Variants in FBXW2 observed in about 807,000 individuals in gnomAD.
FBXW2 encodes the protein F-box/WD repeat-containing protein 2.
FBXW2 carries 12 observed loss-of-function variants against 46.0 expected under a neutral mutation model. The ratio of observed to expected loss-of-function variants is 0.26; its 90% CI spans 0.17 to 0.42. The LOEUF (loss-of-function observed/expected upper bound fraction) is 0.42. FBXW2 is among the 10% of genes least tolerant of loss of function. The probability of loss-of-function intolerance (pLI) is 1.00; values close to 1 mark genes in which losing one functional copy is unlikely to be tolerated. For synonymous variants in FBXW2, 203 were observed against 209.6 expected (o/e 0.97, Z 0.27); for missense variants, 360 against 537.0 (o/e 0.67, Z 3.26).
chr9:120,783,572 A>C (rs553722895), intron 3 of FBXW2, among the ~76,000 whole-genome samples: 1 of 152,184 alleles, frequency 6.6e-6, no homozygotes, highest in Non-Finnish European at 1.5e-5. Context: ...ATTTATTACA[A>C]TGGAGCACCA....
chr9:120,788,303 TA>T, intron 2 of FBXW2, 25 bp from the exon 3 acceptor site: 1 of 1,589,662 alleles, frequency 6.3e-7, no homozygotes, highest in Non-Finnish European at 8.5e-7. Flanking sequence ...AATATTGTAT[TA>T]GTTCTGCTCA....
intron 3 of FBXW2, among the ~76,000 whole-genome samples, chr9:120,783,080 G>A (rs1182993086): frequency 2.0e-5 from 3 of 151,870 alleles, no homozygotes; most frequent in Non-Finnish European, 4.4e-5. Flanking sequence ...TAAATTTTAT[G>A]TTATGTATGT....
intron 4 of FBXW2, chr9:120,776,673 A>C (rs1344905938): frequency 6.5e-6 from 1 of 154,444 alleles, no homozygotes; most frequent in African/African-American, 2.4e-5. Context: ...TAAAGAGAGA[A>C]AAAACAAAAC....
At chr9:120,766,465 TTTTA>T (rs933950326) in intron 7 of FBXW2, among the ~76,000 whole-genome samples, 5 of 152,088 alleles carry the variant, frequency 3.3e-5, no homozygotes, top group African/African-American at 7.2e-5. Context: ...TTTTAATTAT[TTTTA>T]TTTATTTATT....
In FBXW2 at chr9:120,788,202, A is replaced by G. The variant is rs758528830; in HGVS notation, c.57T>C (p.Ser19=). 7 of 1,614,210 alleles carry G rather than the reference A, an allele frequency of 4.3e-6. No individual in the cohort carries two copies. The highest frequency in any genetic ancestry group is 5.9e-6 in the Non-Finnish European group (7 of 1,180,036). Residue 19 remains serine, a synonymous_variant, in exon 3 of 8, where the codon TCT becomes TCC. Coordinates refer to ENST00000608872, the MANE Select transcript of FBXW2 (RefSeq NM_012164.4). ...TTTCATTTTTCTGCAAGTCCGTCAG[A>G]GAAAGAAATGTAACAGAAATGTTAT... ...WLDNISVTFL[S]LTDLQKNETL... is the part of the protein sequence containing the mutation.
intron 3 of FBXW2, among the ~76,000 whole-genome samples, chr9:120,786,276 C>G (rs2044721180): frequency 6.6e-6 from 1 of 151,812 alleles, no homozygotes; most frequent in Non-Finnish European, 1.5e-5. Flanking sequence ...ATGGGGGTGG[C>G]CCCCCATGCT....
At chr9:120,782,023 C>CAAAAAAAAAAAAAAAAA (rs35159726) in intron 3 of FBXW2, among the ~76,000 whole-genome samples, 1 of 76,360 alleles carries the variant, frequency 1.3e-5, no homozygotes, top group African/African-American at 5.3e-5. Context: ...AACTCCGTCT[C>CAAAAAAAAAAAAAAAAA]AAAAAAAAAA....
Position 120,757,950 on chromosome 9 carries a change from TG to T in FBXW2, c.*6608del, listed in dbSNP as rs2044148197. On this transcript the variant is annotated 3_prime_UTR_variant, in exon 8 of 8. Transcript: ENST00000608872. ...CTTTTATTTTCAATTTTAGATGCTCTGGAAGTTATTTTTCTTCCAAGTTTAG... is the reference window on the plus strand; with the variant it reads ...CTTTTATTTTCAATTTTAGATGCTCTGAAGTTATTTTTCTTCCAAGTTTAG... 6.6e-6 allele frequency: 1 copy of T among 152,278 alleles called. No homozygotes were observed. The highest frequency in any genetic ancestry group is 1.5e-5 in the Non-Finnish European group (1 of 68,056). 9.4% of individuals were successfully genotyped at this position (152,278 alleles called of 1,614,324 possible). A position where few individuals can be genotyped will look rare whatever the true frequency, so the allele number is the denominator to read the frequency against.
rs546417015 is a variant in FBXW2, at chr9:120,762,327, C to T, written c.*2232G>A. On this transcript the variant is annotated 3_prime_UTR_variant, in exon 8 of 8. Transcript: ENST00000608872. ...TGCACTCCAGCCTGCGCAGTAAGAG[C>T]GAAACTCTGTCTCAAAAAAAAAAAA... 1.4e-4 allele frequency: 21 copies of T among 148,518 alleles called. No homozygotes were observed. Among genetic ancestry groups the T allele is most frequent in the African/African-American group, 4.5e-4 (18 of 40,090 alleles). The allele number at this position is 148,518 out of a possible 1,614,324, so 9.2% of individuals were successfully genotyped here. A position where few individuals can be genotyped will look rare whatever the true frequency, so the allele number is the denominator to read the frequency against.
In FBXW2 at chr9:120,772,269, C is replaced by T. The variant is rs1397004633; in HGVS notation, c.906+485G>A. 2.6e-5 allele frequency among the ~76,000 whole-genome samples: 4 copies of T among 151,208 alleles called. No homozygotes were observed. In the South Asian group the frequency reaches 6.3e-4, roughly 24 times the overall value. ...CAGCATTTTGGGAGGTCAAGGCAGGCGGATCACAAGGTCAGGAGTTCGAGA... is the reference window on the plus strand; with the variant it reads ...CAGCATTTTGGGAGGTCAAGGCAGGTGGATCACAAGGTCAGGAGTTCGAGA... On this transcript the variant is annotated intron_variant, in intron 6 of 7. Coordinates refer to ENST00000608872, the MANE Select transcript of FBXW2 (RefSeq NM_012164.4).
intron 7 of FBXW2, among the ~76,000 whole-genome samples, chr9:120,770,668 T>C (rs1487521161): frequency 6.6e-6 from 1 of 152,232 alleles, no homozygotes; most frequent in Non-Finnish European, 1.5e-5. Context: ...AAGAAACTTA[T>C]ACTAAATCAC....
intron 2 of FBXW2, among the ~76,000 whole-genome samples, chr9:120,790,739 G>A (rs66947673): frequency 0.12 from 18,254 of 152,004 alleles, 1,246 homozygotes; most frequent in Middle Eastern, 0.17. Context: ...ATATCTAAGA[G>A]ACATACTATA....
intron 4 of FBXW2, chr9:120,776,485 A>C: frequency 2.6e-6 from 1 of 391,138 alleles, no homozygotes; most frequent in Non-Finnish European, 4.6e-6. Flanking sequence ...GGCAAAACAA[A>C]TGTTGGAGAT....
At chr9:120,778,288 C>A in intron 4 of FBXW2, 63 bp downstream of exon 4, 1 of 1,388,172 alleles carries the variant, frequency 7.2e-7, no homozygotes, top group Non-Finnish European at 9.8e-7. Context: ...ATTTCACATT[C>A]TTGGCTCCTG....
Position 120,762,958 on chromosome 9 carries a change from G to A in FBXW2, c.*1601C>T, listed in dbSNP as rs1471652274. The A allele has an allele frequency of 6.6e-6, 1 of 152,146 alleles. No individual in the cohort carries two copies. Among genetic ancestry groups the A allele is most frequent in the African/African-American group, 2.4e-5 (1 of 41,418 alleles). 9.4% of individuals were successfully genotyped at this position (152,146 alleles called of 1,614,324 possible). On this transcript the variant is annotated 3_prime_UTR_variant, in exon 8 of 8. Transcript: ENST00000608872. ...TGCTCCCTCTACTCTCTCCCTGATT[G>A]TGACCACTAACATTTCCACTGCTGA...
In FBXW2 at chr9:120,761,663, T is replaced by C. The variant is rs1169602158; in HGVS notation, c.*2896A>G. On this transcript the variant is annotated 3_prime_UTR_variant, in exon 8 of 8. Coordinates refer to ENST00000608872, the MANE Select transcript of FBXW2 (RefSeq NM_012164.4). ...AATAAACCCAGCATCTATAAAGTAG[T>C]TGAATAAAATCTCAGGCCAAATAAA... The C allele has an allele frequency of 2.0e-5, 3 of 152,184 alleles. No individual in the cohort carries two copies. The highest frequency in any genetic ancestry group is 4.4e-5 in the Non-Finnish European group (3 of 68,044). 9.4% of individuals were successfully genotyped at this position (152,184 alleles called of 1,614,324 possible).
At chr9:120,793,051 A>C (rs2044885983) in intron 2 of FBXW2, 98 bp downstream of exon 2, 2 of 1,127,192 alleles carry the variant, frequency 1.8e-6, no homozygotes, top group Admixed American at 2.0e-5. Context: ...CAGTAACTCC[A>C]AAACCCTGTT....
In FBXW2 at chr9:120,757,939, T is replaced by C. The variant is rs1046740873; in HGVS notation, c.*6620A>G. The C allele has an allele frequency of 2.0e-5, 3 of 152,244 alleles. No individual in the cohort carries two copies. Among genetic ancestry groups the C allele is most frequent in the African/African-American group, 7.2e-5 (3 of 41,456 alleles). The allele number at this position is 152,244 out of a possible 1,614,324, so 9.4% of individuals were successfully genotyped here. A position where few individuals can be genotyped will look rare whatever the true frequency, so the allele number is the denominator to read the frequency against. On this transcript the variant is annotated 3_prime_UTR_variant, in exon 8 of 8. Transcript: ENST00000608872. ...TTGCTTCTGATCTTTTATTTTCAAT[T>C]TTAGATGCTCTGGAAGTTATTTTTC...
intron 2 of FBXW2, chr9:120,792,286 C>CCT (rs2044861230): frequency 6.6e-6 from 1 of 152,196 alleles, no homozygotes; most frequent in Non-Finnish European, 1.5e-5. Flanking sequence ...CTGGCCTAGT[C>CCT]AAGAGTGAAA....
Sources: gnomAD v4.1 joint callset for allele counts (sites outside exome capture counted in the v4.1 genomes callset) on GRCh38, gnomAD v4.1.1 for gene constraint, MANE v1.5 for transcripts, NCBI Gene and HGNC (gene_info 2026-07-23, HGNC 2026-07-21) for gene names.